The following GPM6A variants were observed in gnomAD, a reference collection of about 807,000 sequenced individuals.
GPM6A encodes the protein glycoprotein M6A, also known as neuronal membrane glycoprotein M6-a.
GPM6A carries 7 observed loss-of-function variants against 32.1 expected under a neutral mutation model. The ratio of observed to expected loss-of-function variants is 0.22; its 90% CI spans 0.12 to 0.41. The LOEUF (loss-of-function observed/expected upper bound fraction) is 0.41. GPM6A is among the 10% of genes least tolerant of loss of function. The pLI is 1.00. For missense variants in GPM6A, 235 were observed against 347.2 expected (o/e 0.68, Z 2.57); for synonymous variants, 130 against 123.4 (o/e 1.05, Z -0.35).
chr4:175,650,270 TTTTATTTATTTATTTATTTATTTA>T (rs140528336), intron 4 of GPM6A, among the ~76,000 whole-genome samples: 46,924 of 143,020 alleles, frequency 0.33, 8,053 homozygotes, highest in East Asian at 0.55. Context: ...GATTTCATTA[TTTTATTTATTTATTTATTTATTTA>T]TTTATTTATT....
intron 1 of GPM6A, chr4:175,962,032 G>A: frequency 1.5e-6 from 1 of 656,696 alleles, no homozygotes; most frequent in South Asian, 1.6e-5. Flanking sequence ...CACGTCTCAG[G>A]CCTTACTTAA....
At chr4:175,876,906 G>A (rs1210161910) in intron 1 of GPM6A, among the ~76,000 whole-genome samples, 3 of 152,184 alleles carry the variant, frequency 2.0e-5, no homozygotes, top group African/African-American at 4.8e-5. Context: ...ATAGCTAAGA[G>A]ATAAGAAGGG....
At position 175,792,158 on chromosome 4, in the gene GPM6A, T is replaced by A. The variant is rs115454319; in HGVS notation, c.37+20033A>T. Reference sequence around the variant, plus strand: ...TATTTCAGTCTCTTTAATTTCCAACTCATATGTGCTAAAAAATTTTAAGCT... The same window carrying A: ...TATTTCAGTCTCTTTAATTTCCAACACATATGTGCTAAAAAATTTTAAGCT... On this transcript the variant is annotated intron_variant, in intron 1 of 6. Transcript: ENST00000393658. Among the ~76,000 whole-genome samples, 990 of 152,304 alleles carry A rather than the reference T, an allele frequency of 6.5e-3. 7 individuals carry two copies. Among genetic ancestry groups the A allele is most frequent in the African/African-American group, 0.022 (908 of 41,574 alleles).
intron 1 of GPM6A, among the ~76,000 whole-genome samples, chr4:175,804,610 A>C (rs1041843366): frequency 6.6e-6 from 1 of 152,224 alleles, no homozygotes; most frequent in Non-Finnish European, 1.5e-5. Flanking sequence ...AATGCTTAGA[A>C]CAGTGCCTGG....
At chr4:175,934,134 A>G (rs555789042) in intron 1 of GPM6A, among the ~76,000 whole-genome samples, 1 of 152,302 alleles carries the variant, frequency 6.6e-6, no homozygotes, top group South Asian at 2.1e-4. Context: ...GGTTTTTCTG[A>G]GGGATGATGA....
At chr4:175,795,893 C>G (rs1178396958) in intron 1 of GPM6A, 4 of 152,298 alleles carry the variant, frequency 2.6e-5, no homozygotes, top group African/African-American at 9.7e-5. Context: ...TGGAGAGGTT[C>G]ATGTGGTACA....
At chr4:175,715,284 C>A (rs1745780841) in intron 1 of GPM6A, among the ~76,000 whole-genome samples, 2 of 152,148 alleles carry the variant, frequency 1.3e-5, no homozygotes, top group Admixed American at 1.3e-4. Flanking sequence ...CTTAAAGCAG[C>A]AATTTATTAT....
chr4:175,755,166 T>TA (rs1472013419), intron 1 of GPM6A, among the ~76,000 whole-genome samples: 1 of 152,022 alleles, frequency 6.6e-6, no homozygotes, highest in African/African-American at 2.4e-5. Flanking sequence ...CCCAAGGAAA[T>TA]ACAACTGGTT....
chr4:175,929,290 C>A (rs1738948322), intron 1 of GPM6A, among the ~76,000 whole-genome samples: 1 of 152,156 alleles, frequency 6.6e-6, no homozygotes, highest in African/African-American at 2.4e-5. Context: ...TATCACCTAT[C>A]TCAGTCAAAA....
intron 1 of GPM6A, among the ~76,000 whole-genome samples, chr4:175,907,884 G>T (rs1738181517): frequency 6.6e-6 from 1 of 152,110 alleles, no homozygotes; most frequent in African/African-American, 2.4e-5. Context: ...TATTAAATAA[G>T]TTCGTATGCT....
chr4:175,708,320 G>A lies in GPM6A; in HGVS notation c.38-6553C>T, dbSNP rs149305163. Among the ~76,000 whole-genome samples, 206 of 152,230 alleles carry A rather than the reference G, an allele frequency of 1.4e-3. 1 individual carries two copies. The highest frequency in any genetic ancestry group is 4.6e-3 in the African/African-American group (192 of 41,546). On this transcript the variant is annotated intron_variant, in intron 1 of 6. Transcript: ENST00000393658. ...ATGACATTTGTGAAATGGTCTGGAG[G>A]AGGTAAAGGGATCATCCAAGAGGCT...
chr4:175,968,335 T>A (rs770649503), intron 1 of GPM6A, among the ~76,000 whole-genome samples: 4 of 152,066 alleles, frequency 2.6e-5, no homozygotes, highest in Non-Finnish European at 4.4e-5. Context: ...GGGGATGACA[T>A]AGGAGAAAAA....
intron 1 of GPM6A, among the ~76,000 whole-genome samples, chr4:175,942,550 T>C (rs1041995237): frequency 6.6e-6 from 1 of 152,230 alleles, no homozygotes; most frequent in African/African-American, 2.4e-5. Context: ...AGTTAATTTT[T>C]GTATAAGGTG....
intron 1 of GPM6A, among the ~76,000 whole-genome samples, chr4:176,001,261 G>C (rs902155353): frequency 6.6e-6 from 1 of 152,182 alleles, no homozygotes; most frequent in African/African-American, 2.4e-5. Flanking sequence ...AGAAGCAAGG[G>C]GGAGGGGCGC....
intron 1 of GPM6A, among the ~76,000 whole-genome samples, chr4:175,730,019 T>G (rs1286889836): frequency 6.6e-6 from 1 of 150,758 alleles, no homozygotes; most frequent in Admixed American, 6.6e-5. Context: ...CATGCTGCCT[T>G]TCATGCATAC....
intron 6 of GPM6A, among the ~76,000 whole-genome samples, chr4:175,637,084 T>TA (rs1740674220): frequency 1.5e-5 from 1 of 67,254 alleles, no homozygotes; most frequent in Non-Finnish European, 3.7e-5. Context: ...ATATATAACA[T>TA]ATAATATATC....
At chr4:175,971,962 T>C (rs936903633) in intron 1 of GPM6A, 1 of 152,172 alleles carries the variant, frequency 6.6e-6, no homozygotes, top group African/African-American at 2.4e-5. Context: ...GTCTTACTGC[T>C]GGGGCATGCA....
chr4:175,746,252 A>C (rs951900885), intron 1 of GPM6A, among the ~76,000 whole-genome samples: 1 of 152,112 alleles, frequency 6.6e-6, no homozygotes, highest in Non-Finnish European at 1.5e-5. Context: ...ATTATGAAAA[A>C]CAAGAAACAT....
At chr4:175,688,014 T>C (rs779719070) in intron 2 of GPM6A, among the ~76,000 whole-genome samples, 1 of 152,342 alleles carries the variant, frequency 6.6e-6, no homozygotes. Context: ...AAGTCCTCAT[T>C]TGCCTATTTT....
Sources: gnomAD v4.1 joint callset for allele counts (sites outside exome capture counted in the v4.1 genomes callset) on GRCh38, gnomAD v4.1.1 for gene constraint, MANE v1.5 for transcripts, NCBI Gene and HGNC (gene_info 2026-07-23, HGNC 2026-07-21) for gene names.